MCTP1: variants seen among roughly 807,000 people sequenced by gnomAD.
MCTP1 encodes multiple C2 and transmembrane domain-containing protein 1.
Under a neutral mutation model 120.6 loss-of-function variants are expected in MCTP1, and 69 were observed. That is an observed-to-expected ratio of 0.57 (90% CI 0.47 to 0.70). MCTP1 has a LOEUF of 0.70. Among genes scored for constraint, MCTP1 ranks in the 30% least tolerant of loss-of-function variants. MCTP1 has a pLI of 0.00. For missense variants in MCTP1, 1,203 were observed against 1,248.8 expected (o/e 0.96, Z 0.55); for synonymous variants, 529 against 493.1 (o/e 1.07, Z -0.96).
intron 1 of MCTP1, among the ~76,000 whole-genome samples, chr5:95,181,553 A>T (rs1002906780): frequency 1.3e-5 from 2 of 152,152 alleles, no homozygotes; most frequent in African/African-American, 4.8e-5. Context: ...AAAAATTATC[A>T]TACCTCTTGA....
At chr5:94,712,661 T>C (rs1757497815) in intron 20 of MCTP1, among the ~76,000 whole-genome samples, 3 of 152,130 alleles carry the variant, frequency 2.0e-5, no homozygotes, top group Admixed American at 1.3e-4. Flanking sequence ...GGCTTTTCTG[T>C]CTTTGTCTTC....
intron 3 of MCTP1, among the ~76,000 whole-genome samples, chr5:94,943,431 T>C (rs1377263699): frequency 6.6e-6 from 1 of 152,092 alleles, no homozygotes; most frequent in African/African-American, 2.4e-5. Context: ...GGAAGGATGC[T>C]GGAGGGATAG....
intron 17 of MCTP1, among the ~76,000 whole-genome samples, chr5:94,838,081 C>T (rs1270679451): frequency 1.3e-5 from 2 of 152,178 alleles, no homozygotes; most frequent in African/African-American, 4.8e-5. Flanking sequence ...TCAAACAGAA[C>T]TCCAAGTGCT....
At chr5:95,185,815 G>C (rs1260645339) in intron 1 of MCTP1, among the ~76,000 whole-genome samples, 1 of 152,026 alleles carries the variant, frequency 6.6e-6, no homozygotes, top group African/African-American at 2.4e-5. Flanking sequence ...GGCCAACATG[G>C]TGAAACCCTG....
intron 1 of MCTP1, among the ~76,000 whole-genome samples, chr5:95,140,745 TG>T (rs1759850716): frequency 3.6e-5 from 4 of 109,932 alleles, no homozygotes; most frequent in East Asian, 5.7e-4. Context: ...CCGGGTGTGG[TG>T]GTGGGCACCT....
intron 1 of MCTP1, among the ~76,000 whole-genome samples, chr5:95,151,378 T>C (rs1010275332): frequency 3.9e-5 from 6 of 152,054 alleles, no homozygotes; most frequent in African/African-American, 1.4e-4. Context: ...CCTAATCATC[T>C]TCATGTTGAG....
rs533507128 is a variant in MCTP1, at chr5:94,910,235, T to C, written c.1522-854A>G. Among the ~76,000 whole-genome samples, 4 of 151,666 alleles carry C rather than the reference T, an allele frequency of 2.6e-5. No individual in the cohort carries two copies. The South Asian group carries it at 8.3e-4, about 32-fold the overall frequency. The stretch of plus-strand genomic sequence containing the variant: ...ATATATGTGTATACATATATGTATG[T>C]ATGTATATATACACATATGTGGATA... On this transcript the variant is annotated intron_variant, in intron 9 of 22. Transcript: ENST00000515393.
intron 1 of MCTP1, among the ~76,000 whole-genome samples, chr5:95,210,250 A>T (rs1752179977): frequency 1.3e-5 from 2 of 152,136 alleles, no homozygotes; most frequent in South Asian, 4.1e-4. Flanking sequence ...TGTCTTGTTC[A>T]TCTGTCTAAT....
rs1232256719 is a variant in MCTP1 at position 94,868,358 on chromosome 5, G to A, written c.2411C>T (p.Pro804Leu). 2 of 1,605,440 alleles carry A rather than the reference G, an allele frequency of 1.2e-6. No homozygotes were observed. Among genetic ancestry groups the A allele is most frequent in the South Asian group, 1.1e-5 (1 of 89,784 alleles). Reference protein sequence around the residue: ...YVNSCFDWDSPPRSLAAFVLF... With the variant: ...YVNSCFDWDSLPRSLAAFVLF... ...CACAAAAGCAGCGAGACTCCTTGGG[G>A]GTGAATCCCAATCAAAGCAACTATT... The change falls in exon 17 of 23, where the codon CCC (proline) becomes CTC (leucine). Residue 804 changes from proline to leucine, a missense_variant. By Grantham distance (98) the Pro-to-Leu change is moderately conservative. Around this residue, in one of 2 missense-constraint regions of MCTP1, gnomAD observed 740 missense variants for 871.1 expected, o/e 0.85. Coordinates refer to ENST00000515393, the MANE Select transcript of MCTP1 (RefSeq NM_024717.7).
intron 2 of MCTP1, among the ~76,000 whole-genome samples, chr5:94,980,308 G>A (rs993722027): frequency 5.3e-5 from 8 of 152,080 alleles, no homozygotes; most frequent in Admixed American, 4.6e-4. Flanking sequence ...AGTGATGAAT[G>A]AATAATCTTA....
chr5:94,995,135 T>C (rs185177614), intron 2 of MCTP1, among the ~76,000 whole-genome samples: 11 of 152,336 alleles, frequency 7.2e-5, no homozygotes, highest in African/African-American at 2.2e-4. Context: ...TCTATCCTAT[T>C]AGTTCTGTCC....
At chr5:94,861,060 C>A (rs186063289) in intron 17 of MCTP1, among the ~76,000 whole-genome samples, 1 of 151,638 alleles carries the variant, frequency 6.6e-6, no homozygotes, top group Non-Finnish European at 1.5e-5. Flanking sequence ...ATTTTCTCTT[C>A]GTTATTTCAG....
At chr5:95,192,696 G>T (rs1226038809) in intron 1 of MCTP1, among the ~76,000 whole-genome samples, 1 of 152,000 alleles carries the variant, frequency 6.6e-6, no homozygotes, top group Non-Finnish European at 1.5e-5. Context: ...AAATAAAATA[G>T]ATTTTATTTT....
intron 18 of MCTP1, among the ~76,000 whole-genome samples, chr5:94,784,534 G>C (rs1388036611): frequency 6.6e-6 from 1 of 151,954 alleles, no homozygotes; most frequent in African/African-American, 2.4e-5. Flanking sequence ...TTGCAAACTG[G>C]TATAATTAAT....
intron 1 of MCTP1, among the ~76,000 whole-genome samples, chr5:95,238,378 T>G (rs1755786760): frequency 6.6e-6 from 1 of 152,198 alleles, no homozygotes. Flanking sequence ...TTTGCTACAT[T>G]CTGGGAGAGG....
At chr5:94,893,832 C>T (rs1306975668) in intron 11 of MCTP1, among the ~76,000 whole-genome samples, 1 of 152,150 alleles carries the variant, frequency 6.6e-6, no homozygotes, top group Non-Finnish European at 1.5e-5. Context: ...CTTCTAAACA[C>T]CTGGCGGCAC....
At chr5:94,842,251 C>A (rs1216561995) in intron 17 of MCTP1, among the ~76,000 whole-genome samples, 18 of 151,896 alleles carry the variant, frequency 1.2e-4, no homozygotes, top group Admixed American at 1.2e-3. Flanking sequence ...TCTTTTTTTC[C>A]CCCTGTAGAC....
At chr5:94,834,438 G>A (rs1789235901) in intron 17 of MCTP1, among the ~76,000 whole-genome samples, 1 of 152,194 alleles carries the variant, frequency 6.6e-6, no homozygotes, top group East Asian at 1.9e-4. Flanking sequence ...ACAAGCCACT[G>A]TGCATCTGAT....
intron 1 of MCTP1, among the ~76,000 whole-genome samples, chr5:95,255,733 T>C (rs1268859426): frequency 6.6e-6 from 1 of 152,166 alleles, no homozygotes; most frequent in Non-Finnish European, 1.5e-5. Context: ...CAGATATTAC[T>C]TGAGAAGCAG....
Sources: allele counts gnomAD v4.1 joint callset (sites outside exome capture counted in the v4.1 genomes callset), GRCh38; gene constraint gnomAD v4.1.1; regional missense constraint gnomAD v4.1.1; transcripts MANE v1.5; gene names NCBI Gene and HGNC (gene_info 2026-07-23, HGNC 2026-07-21).